Variants in ATP2B2 observed in about 807,000 individuals in gnomAD.
ATP2B2 encodes the protein ATPase plasma membrane Ca2+ transporting 2, also known as plasma membrane calcium-transporting ATPase 2.
Under a neutral mutation model 120.0 loss-of-function variants are expected in ATP2B2, and 15 were observed. That is an observed-to-expected ratio of 0.12 (90% CI 0.08 to 0.19). The LOEUF is 0.19. Ranked by LOEUF, ATP2B2 falls within the 10% of genes least tolerant of loss-of-function variation. The pLI is 1.00. For missense variants in ATP2B2, 1,045 were observed against 1,719.8 expected, an observed-to-expected ratio of 0.61 and a Z score of 6.94; for synonymous variants, 694 against 700.3, an observed-to-expected ratio of 0.99 and a Z score of 0.14.
intron 1 of ATP2B2, among the ~76,000 whole-genome samples, chr3:10,660,782 G>A (rs2070758496): frequency 6.6e-6 from 1 of 152,184 alleles, no homozygotes; most frequent in African/African-American, 2.4e-5. Context: ...AAGCCTGGCA[G>A]AGACACAACA....
chr3:10,510,415 A>T (rs535121797), upstream of ATP2B2, among the ~76,000 whole-genome samples: 2 of 152,380 alleles, frequency 1.3e-5, no homozygotes, highest in African/African-American at 4.8e-5. Flanking sequence ...TGGAGCTTGA[A>T]ATAGGAACTG....
chr3:10,650,916 T>A (rs978027801), intron 1 of ATP2B2, among the ~76,000 whole-genome samples: 5 of 152,320 alleles, frequency 3.3e-5, no homozygotes, highest in East Asian at 3.9e-4. Flanking sequence ...ATGTGAGACA[T>A]AGAGTCAAAG....
intron 1 of ATP2B2, among the ~76,000 whole-genome samples, chr3:10,477,867 C>A (rs893271831): frequency 6.6e-6 from 1 of 152,192 alleles, no homozygotes; most frequent in Non-Finnish European, 1.5e-5. Context: ...GAACAAATAT[C>A]TGAGTCCTTG....
At chr3:10,615,208 C>T (rs867971006) in intron 2 of ATP2B2, among the ~76,000 whole-genome samples, 35 of 152,114 alleles carry the variant, frequency 2.3e-4, no homozygotes, top group African/African-American at 6.8e-4. Context: ...GGGAGTGATG[C>T]GAGCAGATCT....
chr3:10,467,715 C>T (rs113798733), intron 1 of ATP2B2, among the ~76,000 whole-genome samples: 15 of 152,180 alleles, frequency 9.9e-5, no homozygotes, highest in African/African-American at 3.4e-4. Flanking sequence ...GGTAGGATAC[C>T]GTTACTGAAC....
chr3:10,573,965 C>G (rs2068186887), intron 2 of ATP2B2, among the ~76,000 whole-genome samples: 1 of 152,172 alleles, frequency 6.6e-6, no homozygotes, highest in Non-Finnish European at 1.5e-5. Flanking sequence ...ACTCAGCAGC[C>G]AGACTCTGCC....
At chr3:10,622,734 G>A (rs1438562936) in intron 1 of ATP2B2, among the ~76,000 whole-genome samples, 1 of 152,216 alleles carries the variant, frequency 6.6e-6, no homozygotes. Flanking sequence ...ATGGCCTGGG[G>A]GCCTTGCAGA....
chr3:10,424,255 G>T (rs1428011813), intron 2 of ATP2B2, among the ~76,000 whole-genome samples: 1 of 152,196 alleles, frequency 6.6e-6, no homozygotes, highest in Non-Finnish European at 1.5e-5. Flanking sequence ...AGATAAAGAG[G>T]CCTGCTCAGG....
chr3:10,433,424 A>G (rs1396558439), intron 2 of ATP2B2, among the ~76,000 whole-genome samples: 3 of 152,124 alleles, frequency 2.0e-5, no homozygotes, highest in Non-Finnish European at 4.4e-5. Context: ...ATTTCTCCAA[A>G]TACATCCCAG....
At chr3:10,540,125 T>C (rs1364013920) in intron 2 of ATP2B2, among the ~76,000 whole-genome samples, 1 of 152,152 alleles carries the variant, frequency 6.6e-6, no homozygotes, top group African/African-American at 2.4e-5. Context: ...AAAATGCTCA[T>C]CATCACTGGC....
chr3:10,393,725 G>A (rs1423419330), intron 5 of ATP2B2, among the ~76,000 whole-genome samples: 1 of 150,656 alleles, frequency 6.6e-6, no homozygotes, highest in Non-Finnish European at 1.5e-5. Context: ...TGGTTTCCGT[G>A]GATGGTACTG....
In ATP2B2 at chr3:10,405,685, G is replaced by A. The variant is rs560314046; in HGVS notation, c.398-3337C>T. 1.9e-4 allele frequency among the ~76,000 whole-genome samples: 29 copies of A among 152,206 alleles called. No individual in the cohort carries two copies. The East Asian group carries it at 5.6e-3, about 29-fold the overall frequency. ...CTGGACCTGCGGCTATAGAGGGTGT[G>A]GCCTCTCCCTGTCTGTGTAAGCTTG... On this transcript the variant is annotated intron_variant, in intron 3 of 22. Coordinates refer to ENST00000360273, the MANE Select transcript of ATP2B2 (RefSeq NM_001001331.4).
chr3:10,528,257 G>A lies in ATP2B2; in HGVS notation c.-320+5782C>T, dbSNP rs150435069. 1.2e-3 allele frequency among the ~76,000 whole-genome samples: 187 copies of A among 152,222 alleles called. 1 individual carries two copies. Among genetic ancestry groups the A allele is most frequent in the Middle Eastern group, 3.4e-3 (1 of 294 alleles). On this transcript the variant is annotated intron_variant, in intron 3 of 21. Transcript: ENST00000646379. ...CGTGGGGAAAGGGTGGCTACGACGC[G>A]TGCATCTGGCCCAACCCAAGGAAGC...
At chr3:10,611,075 G>A (rs963528448) in intron 2 of ATP2B2, among the ~76,000 whole-genome samples, 2 of 152,202 alleles carry the variant, frequency 1.3e-5, no homozygotes, top group South Asian at 4.1e-4. Context: ...TGTCTCCATA[G>A]ATCAGAGACA....
chr3:10,504,239 C>G (rs139470605), intron 1 of ATP2B2, among the ~76,000 whole-genome samples: 5 of 151,918 alleles, frequency 3.3e-5, no homozygotes, highest in African/African-American at 1.2e-4. Flanking sequence ...AGTTAACAGG[C>G]GGAGGCCCCC....
At chr3:10,668,071 C>G (rs1230492290) in intron 1 of ATP2B2, among the ~76,000 whole-genome samples, 1 of 152,242 alleles carries the variant, frequency 6.6e-6, no homozygotes, top group Non-Finnish European at 1.5e-5. Flanking sequence ...TTCCGACCTC[C>G]TGGTGCCGCG....
intron 1 of ATP2B2, among the ~76,000 whole-genome samples, chr3:10,493,147 A>C (rs1432587920): frequency 6.6e-6 from 1 of 152,218 alleles, no homozygotes; most frequent in East Asian, 1.9e-4. Flanking sequence ...CTGATTGTCT[A>C]GGGAAGACAG....
chr3:10,555,068 C>T (rs2067749616), intron 2 of ATP2B2, among the ~76,000 whole-genome samples: 1 of 152,234 alleles, frequency 6.6e-6, no homozygotes, highest in South Asian at 2.1e-4. Context: ...TACTCTCCTC[C>T]TTTTCGCCCC....
rs116218295 is a variant in ATP2B2, at chr3:10,425,083, G to A, written c.200-14268C>T. The stretch of plus-strand genomic sequence containing the variant: ...AGGCAGGTGGATCATCTGGGGCCAG[G>A]AGTTTGAGACCAGCCTAGCCAACAT... On this transcript the variant is annotated intron_variant, in intron 2 of 22. Transcript: ENST00000360273. 5.0e-3 allele frequency among the ~76,000 whole-genome samples: 764 copies of A among 152,018 alleles called. 6 individuals carry two copies. Among genetic ancestry groups the A allele is most frequent in the Non-Finnish European group, 8.7e-3 (594 of 67,990 alleles).
Sources: allele counts gnomAD v4.1 joint callset (sites outside exome capture counted in the v4.1 genomes callset), GRCh38; gene constraint gnomAD v4.1.1; transcripts MANE v1.5; gene names NCBI Gene and HGNC (gene_info 2026-07-23, HGNC 2026-07-21).